The following PCDHGA12 variants were observed in gnomAD, a reference collection of about 807,000 sequenced individuals.
PCDHGA12 encodes the protein protocadherin gamma subfamily A, 12, also known as protocadherin gamma-A12.
PCDHGA12 carries 43 observed loss-of-function variants against 61.1 expected under a neutral mutation model. The ratio of observed to expected loss-of-function variants is 0.70; its 90% confidence interval spans 0.55 to 0.91. PCDHGA12 has a LOEUF of 0.91. Among genes scored for constraint, PCDHGA12 ranks in the 40% least tolerant of loss-of-function variants. The pLI, the probability that PCDHGA12 is intolerant of heterozygous loss-of-function variation, is 0.00. For synonymous variants in PCDHGA12, 520 were observed against 542.9 expected, an observed-to-expected ratio of 0.96 and a Z score of 0.59; for missense variants, 1,236 against 1,227.7, an observed-to-expected ratio of 1.01 and a Z score of -0.10.
intron 1 of PCDHGA12, among the ~76,000 whole-genome samples, chr5:141,434,700 G>A (rs1041657389): frequency 6.6e-6 from 1 of 151,780 alleles, no homozygotes; most frequent in Non-Finnish European, 1.5e-5. Context: ...TAATAAATAT[G>A]TGGGTAAATC....
chr5:141,495,977 T>C (rs2099765025), intron 2 of PCDHGA12, among the ~76,000 whole-genome samples: 1 of 152,174 alleles, frequency 6.6e-6, no homozygotes, highest in Admixed American at 6.5e-5. Flanking sequence ...TCTGTTACTC[T>C]TTCTTTATCT....
At chr5:141,483,293 G>T (rs532959899) in intron 1 of PCDHGA12, among the ~76,000 whole-genome samples, 1 of 152,264 alleles carries the variant, frequency 6.6e-6, no homozygotes, top group Non-Finnish European at 1.5e-5. Flanking sequence ...TCAGTCATAA[G>T]TGAAGGGACT....
intron 1 of PCDHGA12, among the ~76,000 whole-genome samples, chr5:141,492,329 C>T (rs2099739386): frequency 1.3e-5 from 2 of 152,232 alleles, no homozygotes; most frequent in African/African-American, 4.8e-5. Context: ...CGTGGGCTTA[C>T]GCGAATACCA....
intron 1 of PCDHGA12, among the ~76,000 whole-genome samples, chr5:141,460,684 T>C (rs1417815686): frequency 6.6e-6 from 1 of 152,074 alleles, no homozygotes; most frequent in Non-Finnish European, 1.5e-5. Context: ...TATCTATATA[T>C]CCACCAACAG....
At chr5:141,433,391 CTA>C (rs1477426085) in intron 1 of PCDHGA12, among the ~76,000 whole-genome samples, 3 of 151,570 alleles carry the variant, frequency 2.0e-5, no homozygotes, top group African/African-American at 7.3e-5. Context: ...ATCTATCTAT[CTA>C]TCTATCTATC....
intron 1 of PCDHGA12, chr5:141,478,644 T>C (rs1217932733): frequency 6.4e-7 from 1 of 1,552,238 alleles, no homozygotes. Flanking sequence ...GATGAAGATG[T>C]TTTCCTGGTG....
At position 141,476,827 on chromosome 5, in the gene PCDHGA12, G is replaced by A; in HGVS notation, c.2425-17980G>A. On this transcript the variant is annotated intron_variant, in intron 1 of 3. Transcript: ENST00000252085. The surrounding 1 kb of genome is among the most constrained non-coding windows in gnomAD (Gnocchi z 7.6). ...CTATTCACATCAAGGTGCTGGACGC[G>A]AATGACAATGCGCCTGTCTTCAACC... The A allele has an allele frequency of 1.2e-6, 2 of 1,613,542 alleles. No individual in the cohort carries two copies. Among genetic ancestry groups the A allele is most frequent in the Non-Finnish European group, 1.7e-6 (2 of 1,180,046 alleles).
At chr5:141,478,795 C>T (rs919747545) in intron 1 of PCDHGA12, 7 of 1,468,056 alleles carry the variant, frequency 4.8e-6, no homozygotes, top group Non-Finnish European at 6.3e-6. Flanking sequence ...ACATCCTCAG[C>T]ACTCTTTTGC....
intron 1 of PCDHGA12, among the ~76,000 whole-genome samples, chr5:141,474,705 A>C (rs114026580): frequency 0.01 from 1,561 of 152,324 alleles, 35 homozygotes; most frequent in African/African-American, 0.035. Context: ...TCAAGGTTCT[A>C]TTATACTTCA....
intron 2 of PCDHGA12, among the ~76,000 whole-genome samples, chr5:141,505,066 G>A (rs1312509903): frequency 6.6e-6 from 1 of 152,190 alleles, no homozygotes; most frequent in Non-Finnish European, 1.5e-5. Flanking sequence ...GGAGACTGAG[G>A]CAGGAGAATC....
Position 141,477,872 on chromosome 5 carries a change from G to A in PCDHGA12, c.2425-16935G>A. The stretch of plus-strand genomic sequence containing the variant: ...GGAGATGCTGCCTCGAGGTACCTCA[G>A]CTGGCCACCTAGTGTCACGGGTGGT... On this transcript the variant is annotated intron_variant, in intron 1 of 3. Coordinates refer to ENST00000252085, the MANE Select transcript of PCDHGA12 (RefSeq NM_003735.3). This position sits in a 1 kb window ranked among gnomAD's most constrained non-coding sequence, Gnocchi z 4.9. The A allele has an allele frequency of 6.2e-7, 1 of 1,614,180 alleles. No individual in the cohort carries two copies. Among genetic ancestry groups the A allele is most frequent in the African/African-American group, 1.3e-5 (1 of 75,058 alleles).
rs772328241 is a variant in PCDHGA12 at position 141,491,340 on chromosome 5, C to A, written c.2425-3467C>A. On this transcript the variant is annotated intron_variant, in intron 1 of 3. Coordinates refer to ENST00000252085, the MANE Select transcript of PCDHGA12 (RefSeq NM_003735.3). The surrounding 1 kb of genome is among the most constrained non-coding windows in gnomAD (Gnocchi z 6.9). ...TTTACCTCATTGTGGCTCTAGCGACCGTCAGTCTCTTATCCCTAGTCACCT... is the reference window on the plus strand; with the variant it reads ...TTTACCTCATTGTGGCTCTAGCGACAGTCAGTCTCTTATCCCTAGTCACCT... 4.3e-6 allele frequency: 7 copies of A among 1,614,146 alleles called. No homozygotes were observed. Among genetic ancestry groups the A allele is most frequent in the Non-Finnish European group, 5.9e-6 (7 of 1,180,014 alleles).
chr5:141,478,118 G>A (rs1266841885), intron 1 of PCDHGA12: 1 of 1,613,930 alleles, frequency 6.2e-7, no homozygotes, highest in East Asian at 2.2e-5. Context: ...GTCAGTAACC[G>A]AGGACTCTCC....
Position 141,431,991 on chromosome 5 carries a change from A to G in PCDHGA12, c.1232A>G (p.Asp411Gly). 1.2e-6 allele frequency: 2 copies of G among 1,614,218 alleles called. No individual in the cohort carries two copies. The highest frequency in any genetic ancestry group is 1.7e-6 in the Non-Finnish European group (2 of 1,180,042). The change falls in exon 1 of 4, where the codon GAT (aspartate) becomes GGT (glycine). Residue 411 changes from aspartate to glycine, a missense_variant. By Grantham distance (94) the Asp-to-Gly change is moderately conservative. Transcript: ENST00000252085. The surrounding 1 kb of genome is among the most constrained non-coding windows in gnomAD (Gnocchi z 4.8). ...YYSLVTDIVL[D>G]REQVPSYNIT... The stretch of plus-strand genomic sequence containing the variant: ...AGTTTAGTCACAGACATAGTCTTGG[A>G]TAGGGAACAGGTTCCTAGCTACAAC...
Position 141,477,354 on chromosome 5 carries a change from C to T in PCDHGA12, c.2425-17453C>T, listed in dbSNP as rs1164062950. On this transcript the variant is annotated intron_variant, in intron 1 of 3. Coordinates refer to ENST00000252085, the MANE Select transcript of PCDHGA12 (RefSeq NM_003735.3). This position sits in a 1 kb window ranked among gnomAD's most constrained non-coding sequence, Gnocchi z 4.9. ...AATTACTTCACTTTGAAAACCAGTG[C>T]AGACCTGGATCGGGAGACTGTGCCA... 14 of 1,614,202 alleles carry T rather than the reference C, an allele frequency of 8.7e-6. No homozygotes were observed. The highest frequency in any genetic ancestry group is 1.1e-5 in the Non-Finnish European group (13 of 1,180,036).
In PCDHGA12 at chr5:141,485,539, G is replaced by T; in HGVS notation, c.2425-9268G>T. 6.2e-7 allele frequency: 1 copy of T among 1,614,104 alleles called. No individual in the cohort carries two copies. Among genetic ancestry groups the T allele is most frequent in the Non-Finnish European group, 8.5e-7 (1 of 1,179,998 alleles). On this transcript the variant is annotated intron_variant, in intron 1 of 3. Coordinates refer to ENST00000252085, the MANE Select transcript of PCDHGA12 (RefSeq NM_003735.3). This position sits in a 1 kb window ranked among gnomAD's most constrained non-coding sequence, Gnocchi z 5.7. ...TGGAAATGTACCGAGCAGAGGTAGA[G>T]ATCGTAGATGTGAATGATCACGCCC...
rs1468210173 is a variant in PCDHGA12 at position 141,512,170 on chromosome 5, A to T, written c.*997A>T. 1 of 152,720 alleles carries T rather than the reference A, an allele frequency of 6.5e-6. No homozygotes were observed. The highest frequency in any genetic ancestry group is 1.5e-5 in the Non-Finnish European group (1 of 68,120). The allele number at this position is 152,720 out of a possible 1,614,324, so 9.5% of individuals were successfully genotyped here. On this transcript the variant is annotated 3_prime_UTR_variant, in exon 4 of 4. Coordinates refer to ENST00000252085, the MANE Select transcript of PCDHGA12 (RefSeq NM_003735.3). ...TGGGCTGAGCTAACAGGACCAATGG[A>T]TTAAACTGGCATTTCAGTCCAAGGA...
intron 2 of PCDHGA12, among the ~76,000 whole-genome samples, chr5:141,504,689 G>A (rs1395389800): frequency 6.6e-6 from 1 of 151,502 alleles, no homozygotes; most frequent in South Asian, 2.1e-4. Context: ...TAAAATAGGA[G>A]GGGCAGGTTC....
Position 141,486,674 on chromosome 5 carries a change from G to A in PCDHGA12, c.2425-8133G>A. On this transcript the variant is annotated intron_variant, in intron 1 of 3. Transcript: ENST00000252085. This position sits in a 1 kb window ranked among gnomAD's most constrained non-coding sequence, Gnocchi z 5.0. ...CTCACTCCTGGAGCCCAGGAATCGA[G>A]ATGTATCAGCTTCCTCTTTCATCTC... The A allele has an allele frequency of 1.9e-6, 3 of 1,614,080 alleles. No individual in the cohort carries two copies. Among genetic ancestry groups the A allele is most frequent in the Non-Finnish European group, 2.5e-6 (3 of 1,180,036 alleles).
Sources: gnomAD v4.1 joint callset for allele counts (sites outside exome capture counted in the v4.1 genomes callset) on GRCh38, gnomAD v4.1.1 for gene constraint, Gnocchi (gnomAD v3.1) non-coding constraint, MANE v1.5 for transcripts, NCBI Gene and HGNC (gene_info 2026-07-23, HGNC 2026-07-21) for gene names.